Variants in BTG4 observed in about 807,000 individuals in gnomAD.
BTG4 encodes the protein BTG anti-proliferation factor 4.
A neutral mutation model predicts 19.3 loss-of-function variants in BTG4; 10 were observed. That is an observed-to-expected ratio of 0.52 (90% CI 0.32 to 0.88). BTG4 has a LOEUF of 0.88. Among genes scored for constraint, BTG4 ranks in the 40% least tolerant of loss-of-function variants. BTG4 has a pLI of 0.04. For synonymous variants in BTG4, 91 were observed against 95.7 expected (o/e 0.95, Z 0.29); for missense variants, 238 against 281.9 (o/e 0.84, Z 1.11).
chr11:111,458,982 C>T, the BTG4 span, among the ~76,000 whole-genome samples: 1 of 152,170 alleles, frequency 6.6e-6, no homozygotes, highest in East Asian at 1.9e-4. Context: ...TGGCTCACGC[C>T]TGTAATCCCA....
At chr11:111,396,796 A>G in the BTG4 span, 1 of 152,244 alleles carries the variant, frequency 6.6e-6, no homozygotes, top group African/African-American at 2.4e-5. Context: ...TTCAATGAAC[A>G]GTTAAGAGTT....
At chr11:111,479,727 C>A (rs930168370) in intron 5 of BTG4, among the ~76,000 whole-genome samples, 25 of 151,900 alleles carry the variant, frequency 1.6e-4, no homozygotes, top group Admixed American at 5.2e-4. Flanking sequence ...GGGAAGATAA[C>A]AAGACAAAGG....
chr11:111,498,501 T>C (rs1865874455), intron 2 of BTG4, 103 bp downstream of exon 2: 2 of 1,047,674 alleles, frequency 1.9e-6, no homozygotes, highest in African/African-American at 3.2e-5. Flanking sequence ...CCCATAAAAC[T>C]TTTGTTACTT....
downstream of BTG4, among the ~76,000 whole-genome samples, chr11:111,492,572 T>C (rs1865487065): frequency 6.6e-6 from 1 of 152,226 alleles, no homozygotes; most frequent in Admixed American, 6.5e-5. Flanking sequence ...AATAAAGTCA[T>C]TCAGTCTATA....
intron 2 of BTG4, 31 bp downstream of exon 2, chr11:111,498,573 T>C: frequency 6.3e-7 from 1 of 1,579,194 alleles, no homozygotes; most frequent in Non-Finnish European, 8.6e-7. Flanking sequence ...GGTGATTGCT[T>C]CCCTTTGCCA....
At chr11:111,453,906 C>T in the BTG4 span, among the ~76,000 whole-genome samples, 5 of 152,328 alleles carry the variant, frequency 3.3e-5, no homozygotes, top group East Asian at 5.8e-4. Context: ...TTGTATGTCA[C>T]ACTGAAGGGT....
intron 5 of BTG4, chr11:111,469,399 C>T (rs548696234): frequency 1.3e-5 from 2 of 152,316 alleles, no homozygotes; most frequent in Non-Finnish European, 2.9e-5. Context: ...ACTCAGACCC[C>T]GTTCCCCAGG....
At chr11:111,456,016 G>A in the BTG4 span, 4 of 294,846 alleles carry the variant, frequency 1.4e-5, no homozygotes, top group South Asian at 2.8e-5. This position sits in a 1 kb window ranked among gnomAD's most constrained non-coding sequence, Gnocchi z 4.2. Flanking sequence ...AAAACAGAGC[G>A]GACACCCCAA....
intron 1 of BTG4, among the ~76,000 whole-genome samples, chr11:111,501,935 C>T (rs932599976): frequency 6.6e-6 from 1 of 151,742 alleles, no homozygotes; most frequent in Non-Finnish European, 1.5e-5. Flanking sequence ...TACTATGTAC[C>T]CAGAACATAT....
intron 5 of BTG4, among the ~76,000 whole-genome samples, chr11:111,473,643 T>C (rs917044927): frequency 6.6e-6 from 1 of 152,124 alleles, no homozygotes; most frequent in Non-Finnish European, 1.5e-5. Context: ...CAAGAGAGCA[T>C]AGAGCATTGG....
chr11:111,449,307 T>C, the BTG4 span: 1 of 151,496 alleles, frequency 6.6e-6, no homozygotes, highest in Non-Finnish European at 1.5e-5. Flanking sequence ...GAACCAGCAC[T>C]CCTCCCTCCC....
At chr11:111,422,710 C>T in the BTG4 span, among the ~76,000 whole-genome samples, 2 of 152,106 alleles carry the variant, frequency 1.3e-5, no homozygotes, top group African/African-American at 2.4e-5. Flanking sequence ...GGGTGACTCC[C>T]GAGGCCAGAA....
chr11:111,501,198 C>A (rs528710936), intron 1 of BTG4, among the ~76,000 whole-genome samples: 2 of 152,128 alleles, frequency 1.3e-5, no homozygotes, highest in African/African-American at 4.8e-5. Flanking sequence ...AGACCCCTGT[C>A]TCTACAAAAA....
chr11:111,449,164 C>A, the BTG4 span, among the ~76,000 whole-genome samples: 28 of 152,092 alleles, frequency 1.8e-4, no homozygotes, highest in Non-Finnish European at 2.8e-4. Context: ...GCTGGTCTCC[C>A]CCTGACTCCT....
At chr11:111,514,604 CCT>C (rs1867145815), upstream of BTG4, 10 of 604,620 alleles carry the variant, frequency 1.7e-5, no homozygotes, top group Admixed American at 1.5e-4. Flanking sequence ...GGTCCTAAAA[CCT>C]GATCACCGCA....
intron 1 of BTG4, among the ~76,000 whole-genome samples, chr11:111,505,060 T>G (rs1866354940): frequency 6.6e-6 from 1 of 152,006 alleles, no homozygotes; most frequent in Non-Finnish European, 1.5e-5. Context: ...ATCTACAGAT[T>G]CAATGCAATC....
At chr11:111,425,403 G>A in the BTG4 span, among the ~76,000 whole-genome samples, 2 of 152,028 alleles carry the variant, frequency 1.3e-5, no homozygotes, top group African/African-American at 2.4e-5. Flanking sequence ...GGATACAGTC[G>A]AAAAAGAAGA....
At chr11:111,510,977 A>G (rs543896279) in intron 1 of BTG4, among the ~76,000 whole-genome samples, 53 of 152,328 alleles carry the variant, frequency 3.5e-4, no homozygotes, top group Middle Eastern at 3.4e-3. Flanking sequence ...GAAGAGAATC[A>G]TTTTTATAAC....
chr11:111,445,736 C>G, the BTG4 span, among the ~76,000 whole-genome samples: 1 of 152,172 alleles, frequency 6.6e-6, no homozygotes, highest in South Asian at 2.1e-4. Context: ...GAAATCCTGT[C>G]CAGTGACCTG....
Sources: gnomAD v4.1 joint callset for allele counts (sites outside exome capture counted in the v4.1 genomes callset) on GRCh38, gnomAD v4.1.1 for gene constraint, Gnocchi (gnomAD v3.1) non-coding constraint, MANE v1.5 for transcripts, NCBI Gene and HGNC (gene_info 2026-07-23, HGNC 2026-07-21) for gene names.